Variants in GRIN2B observed in about 807,000 individuals in gnomAD.
The protein encoded by GRIN2B is glutamate ionotropic receptor NMDA type subunit 2B, also known as glutamate receptor ionotropic, NMDA 2B.
In GRIN2B, 5 loss-of-function variants were observed where a neutral mutation model predicts 114.5. The ratio of observed to expected loss-of-function variants is 0.04; its 90% CI spans 0.02 to 0.09. The LOEUF (loss-of-function observed/expected upper bound fraction) is 0.09, where lower values mean the gene tolerates loss of function less well. Among genes scored for constraint, GRIN2B ranks in the 10% least tolerant of loss-of-function variants. The pLI is 1.00. For missense variants in GRIN2B, 1,108 were observed against 1,943.5 expected (o/e 0.57, Z 8.08); for synonymous variants, 787 against 745.1 (o/e 1.06, Z -0.92).
chr12:13,615,475 GC>G lies in GRIN2B; in HGVS notation c.1500+17del. Reference sequence around the variant, plus strand: ...ATAAATGAAAATGGAAATGGAAACAGCCCTTGTGGACACTCACCTCTCCAAT... The same window carrying G: ...ATAAATGAAAATGGAAATGGAAACAGCCTTGTGGACACTCACCTCTCCAAT... On this transcript the variant is annotated intron_variant, in intron 7 of 13. Transcript: ENST00000609686. The surrounding 1 kb of genome is among the most constrained non-coding windows in gnomAD (Gnocchi z 5.8). 1 of 1,600,434 alleles carries G rather than the reference GC, an allele frequency of 6.2e-7. No individual in the cohort carries two copies. The highest frequency in any genetic ancestry group is 8.6e-7 in the Non-Finnish European group (1 of 1,167,588).
At chr12:13,595,539 G>C (rs1805505) in intron 10 of GRIN2B, among the ~76,000 whole-genome samples, 2,495 of 152,260 alleles carry the variant, frequency 0.016, 71 homozygotes, top group African/African-American at 0.057. Flanking sequence ...GGGCCAAGTT[G>C]CACCAGGTAA....
intron 4 of GRIN2B, among the ~76,000 whole-genome samples, chr12:13,729,482 G>A (rs908293856): frequency 1.3e-5 from 2 of 152,110 alleles, no homozygotes; most frequent in Non-Finnish European, 2.9e-5. Context: ...GCCTGTTCAT[G>A]GAGAGACAGT....
At chr12:13,793,258 T>C (rs1479201577) in intron 3 of GRIN2B, among the ~76,000 whole-genome samples, 1 of 152,090 alleles carries the variant, frequency 6.6e-6, no homozygotes, top group Admixed American at 6.5e-5. Flanking sequence ...CAGTCTCTAC[T>C]AAAGATCCAA....
At chr12:13,847,271 G>GC (rs1453012386) in intron 3 of GRIN2B, among the ~76,000 whole-genome samples, 1 of 152,010 alleles carries the variant, frequency 6.6e-6, no homozygotes, top group African/African-American at 2.4e-5. Flanking sequence ...CCTCACCCAG[G>GC]CCCCCACTAT....
At chr12:13,808,770 T>C (rs921496133) in intron 3 of GRIN2B, among the ~76,000 whole-genome samples, 10 of 141,398 alleles carry the variant, frequency 7.1e-5, no homozygotes, top group South Asian at 2.3e-4. Flanking sequence ...TATATATATA[T>C]ACATATAAAA....
intron 4 of GRIN2B, among the ~76,000 whole-genome samples, chr12:13,706,788 A>T (rs768027316): frequency 2.2e-4 from 34 of 152,252 alleles, no homozygotes; most frequent in Non-Finnish European, 3.1e-4. Context: ...ACACTCACAA[A>T]GTAAATCGGA....
At chr12:13,887,921 T>C (rs1866193289) in intron 2 of GRIN2B, among the ~76,000 whole-genome samples, 1 of 152,210 alleles carries the variant, frequency 6.6e-6, no homozygotes, top group South Asian at 2.1e-4. Flanking sequence ...AATGGCTCTA[T>C]CTTAGTGGCT....
intron 3 of GRIN2B, among the ~76,000 whole-genome samples, chr12:13,770,505 G>GC (rs2136645149): frequency 6.6e-6 from 1 of 152,260 alleles, no homozygotes; most frequent in South Asian, 2.1e-4. Flanking sequence ...TATTTAATAG[G>GC]CTTCACAGAA....
intron 5 of GRIN2B, among the ~76,000 whole-genome samples, chr12:13,620,786 G>C (rs1949502859): frequency 6.6e-6 from 1 of 152,026 alleles, no homozygotes; most frequent in South Asian, 2.1e-4. Flanking sequence ...CGATGAAGAG[G>C]TGCTTTTAGA....
At chr12:13,648,563 C>T (rs1168325622) in intron 5 of GRIN2B, among the ~76,000 whole-genome samples, 1 of 151,898 alleles carries the variant, frequency 6.6e-6, no homozygotes, top group Non-Finnish European at 1.5e-5. Context: ...AATTTCCTCC[C>T]ACTGCCACAG....
chr12:13,649,293 G>A (rs1949793254), intron 5 of GRIN2B, among the ~76,000 whole-genome samples: 1 of 152,014 alleles, frequency 6.6e-6, no homozygotes. Flanking sequence ...CTTCTCTACT[G>A]CCTTATTTTC....
At chr12:13,584,469 TTTA>T (rs1948891617) in intron 10 of GRIN2B, among the ~76,000 whole-genome samples, 1 of 152,310 alleles carries the variant, frequency 6.6e-6, no homozygotes, top group East Asian at 1.9e-4. Flanking sequence ...TGTGGATATA[TTTA>T]TTATATGAAA....
rs111672574 is a variant in GRIN2B at position 13,894,448 on chromosome 12, T to C, written c.-18-28222A>G. Among the ~76,000 whole-genome samples the C allele has an allele frequency of 1.6e-3, 251 of 152,298 alleles. 1 individual carries two copies. The highest frequency in any genetic ancestry group is 5.8e-3 in the African/African-American group (242 of 41,594). ...TTTCAATAACATAGAAAAATCTGTA[T>C]GCTGTGATGCTTAATTTTAAAAAGA... is the stretch of plus-strand genomic sequence containing the variant. On this transcript the variant is annotated intron_variant, in intron 2 of 13. Coordinates refer to ENST00000609686, the MANE Select transcript of GRIN2B (RefSeq NM_000834.5).
At chr12:13,790,569 T>C (rs1424085004) in intron 3 of GRIN2B, among the ~76,000 whole-genome samples, 1 of 152,230 alleles carries the variant, frequency 6.6e-6, no homozygotes, top group Non-Finnish European at 1.5e-5. Context: ...TCTGCCGAGG[T>C]CCCTCATTAT....
chr12:13,856,561 T>C (rs1865664011), intron 3 of GRIN2B, among the ~76,000 whole-genome samples: 2 of 152,158 alleles, frequency 1.3e-5, no homozygotes, highest in Non-Finnish European at 2.9e-5. Flanking sequence ...GGGAGGGCTC[T>C]AAGTTGATTT....
At chr12:13,947,235 G>T (rs763627212) in intron 2 of GRIN2B, among the ~76,000 whole-genome samples, 4 of 152,216 alleles carry the variant, frequency 2.6e-5, no homozygotes, top group Non-Finnish European at 5.9e-5. Flanking sequence ...TGACTGGTCA[G>T]TGTAGCTAAT....
At chr12:13,854,266 C>G (rs1865621110) in intron 3 of GRIN2B, among the ~76,000 whole-genome samples, 1 of 152,128 alleles carries the variant, frequency 6.6e-6, no homozygotes, top group Non-Finnish European at 1.5e-5. Flanking sequence ...AATCCCAGCA[C>G]TTTAGAAGGC....
At chr12:13,915,683 A>G (rs923833945) in intron 2 of GRIN2B, among the ~76,000 whole-genome samples, 2 of 152,136 alleles carry the variant, frequency 1.3e-5, no homozygotes, top group Admixed American at 6.5e-5. Flanking sequence ...TTTACAGGTA[A>G]ATAGCCACAT....
chr12:13,963,782 A>G (rs1320803106), intron 2 of GRIN2B, among the ~76,000 whole-genome samples: 2 of 152,162 alleles, frequency 1.3e-5, no homozygotes, highest in African/African-American at 4.8e-5. Context: ...GATGTTGAAT[A>G]TTCAAGATCT....
Sources: gnomAD v4.1 joint callset for allele counts (sites outside exome capture counted in the v4.1 genomes callset) on GRCh38, gnomAD v4.1.1 for gene constraint, Gnocchi (gnomAD v3.1) non-coding constraint, MANE v1.5 for transcripts, NCBI Gene and HGNC (gene_info 2026-07-23, HGNC 2026-07-21) for gene names.